The following MYO5B variants were observed in gnomAD, a reference collection of about 807,000 sequenced individuals.
The protein encoded by MYO5B is unconventional myosin-Vb.
MYO5B carries 143 observed loss-of-function variants against 229.3 expected under a neutral mutation model. The observed-to-expected ratio is 0.62, with a 90% CI of 0.54 to 0.72. The LOEUF is 0.72. Among genes scored for constraint, MYO5B ranks in the 30% least tolerant of loss-of-function variants. The probability of loss-of-function intolerance (pLI) is 0.00; values close to 1 mark genes in which losing one functional copy is unlikely to be tolerated. For synonymous variants in MYO5B, 918 were observed against 885.2 expected (o/e 1.04, Z -0.66); for missense variants, 2,321 against 2,331.0 (o/e 1.00, Z 0.09).
chr18:49,980,110 T>C (rs2025798164), intron 9 of MYO5B, among the ~76,000 whole-genome samples: 1 of 152,278 alleles, frequency 6.6e-6, no homozygotes, highest in East Asian at 1.9e-4. Context: ...TTCATCTCCT[T>C]GCAGTGGGGA....
chr18:50,115,228 A>G (rs1209337082), intron 1 of MYO5B, among the ~76,000 whole-genome samples: 1 of 152,212 alleles, frequency 6.6e-6, no homozygotes, highest in Non-Finnish European at 1.5e-5. Flanking sequence ...ATACTCTCCA[A>G]CAGCATCCCA....
chr18:50,016,947 C>T (rs1300553173), intron 4 of MYO5B, among the ~76,000 whole-genome samples: 1 of 151,746 alleles, frequency 6.6e-6, no homozygotes, highest in Admixed American at 6.6e-5. Context: ...ACCCTACCCC[C>T]TTCACCCCAT....
At chr18:50,120,622 C>A (rs1034543395) in intron 1 of MYO5B, among the ~76,000 whole-genome samples, 1 of 152,194 alleles carries the variant, frequency 6.6e-6, no homozygotes, top group Non-Finnish European at 1.5e-5. Flanking sequence ...AGGGTCCCAG[C>A]CTGGCCCTTC....
intron 14 of MYO5B, among the ~76,000 whole-genome samples, chr18:49,944,794 T>C (rs984215935): frequency 2.0e-5 from 3 of 152,036 alleles, no homozygotes; most frequent in Non-Finnish European, 4.4e-5. Flanking sequence ...TCAGCCTGTC[T>C]CTCTTCTCAC....
chr18:50,001,227 G>T (rs1295937777), intron 5 of MYO5B, 28 bp downstream of exon 5: 1 of 1,614,028 alleles, frequency 6.2e-7, no homozygotes, highest in East Asian at 2.2e-5. Context: ...CTCCAGCCAG[G>T]AAGGCCAGGA....
intron 1 of MYO5B, among the ~76,000 whole-genome samples, chr18:50,162,774 A>G (rs1450536296): frequency 6.6e-6 from 1 of 152,246 alleles, no homozygotes; most frequent in African/African-American, 2.4e-5. Context: ...AGGCAGCACC[A>G]TCTGCAACCC....
chr18:50,119,732 G>A (rs754956136), intron 1 of MYO5B, among the ~76,000 whole-genome samples: 9 of 152,096 alleles, frequency 5.9e-5, no homozygotes, highest in African/African-American at 9.7e-5. Flanking sequence ...TGTTCATCGC[G>A]CCACTTATCA....
intron 4 of MYO5B, among the ~76,000 whole-genome samples, chr18:50,031,983 G>A (rs549399031): frequency 2.8e-4 from 43 of 152,256 alleles, no homozygotes; most frequent in Admixed American, 7.8e-4. Flanking sequence ...GTTAACCCAC[G>A]GTTTCCCAAA....
chr18:49,968,483 T>C (rs1455618120), intron 10 of MYO5B, among the ~76,000 whole-genome samples: 1 of 152,260 alleles, frequency 6.6e-6, no homozygotes, highest in Non-Finnish European at 1.5e-5. Context: ...GACTTTCCTC[T>C]GGAGCCTCAG....
rs548891864 is a variant in MYO5B, at chr18:49,888,857, C to G, written c.3045+6084G>C. Among the ~76,000 whole-genome samples the G allele has an allele frequency of 1.1e-3, 165 of 152,342 alleles. 5 individuals carry two copies. The highest frequency in any genetic ancestry group is 0.011 in the Admixed American group (162 of 15,306). On this transcript the variant is annotated intron_variant, in intron 22 of 39. Transcript: ENST00000285039. The stretch of plus-strand genomic sequence containing the variant: ...TCCTGGGAAACATTCCTGTACCACA[C>G]GGGGTGGTGGGGTTGCCCCCACGCT...
At chr18:49,870,729 C>T (rs1353788255) in intron 27 of MYO5B, among the ~76,000 whole-genome samples, 1 of 151,998 alleles carries the variant, frequency 6.6e-6, no homozygotes, top group Non-Finnish European at 1.5e-5. Context: ...TGAGATATCA[C>T]CTTACACCTA....
intron 4 of MYO5B, among the ~76,000 whole-genome samples, chr18:50,015,344 GT>G (rs1173233063): frequency 6.6e-6 from 1 of 152,182 alleles, no homozygotes; most frequent in African/African-American, 2.4e-5. Context: ...CTTTGGCTGG[GT>G]AATGTAATTA....
chr18:49,847,502 C>T (rs577277169), intron 32 of MYO5B, among the ~76,000 whole-genome samples: 27 of 152,286 alleles, frequency 1.8e-4, no homozygotes, highest in African/African-American at 6.5e-4. Context: ...AGCCACACCC[C>T]AAGTGTGAGG....
intron 39 of MYO5B, among the ~76,000 whole-genome samples, chr18:49,830,990 C>T (rs186036384): frequency 2.8e-4 from 42 of 151,588 alleles, no homozygotes; most frequent in Non-Finnish European, 5.7e-4. Context: ...AAAAAAAACC[C>T]TCATATTTTT....
chr18:50,191,375 T>C (rs1230438643), intron 1 of MYO5B, among the ~76,000 whole-genome samples: 1 of 152,172 alleles, frequency 6.6e-6, no homozygotes, highest in Non-Finnish European at 1.5e-5. Context: ...TTGGGATTAA[T>C]TATGCCAACC....
chr18:50,066,157 A>G (rs536904766), intron 1 of MYO5B, among the ~76,000 whole-genome samples: 1 of 152,356 alleles, frequency 6.6e-6, no homozygotes, highest in African/African-American at 2.4e-5. Flanking sequence ...TCAGATTTAC[A>G]GATGGAGTGT....
rs979485657 is a variant in MYO5B at position 50,169,858 on chromosome 18, G to A, written c.27+24909C>T. ...TGCTTTCCACCTAGAATACAGATGT[G>A]AGGATCAAGTCCCATGATGAGCAAG... On this transcript the variant is annotated intron_variant, in intron 1 of 39. Coordinates refer to ENST00000285039, the MANE Select transcript of MYO5B (RefSeq NM_001080467.3). Among the ~76,000 whole-genome samples the A allele has an allele frequency of 4.7e-5, 6 of 126,702 alleles. 2 individuals are homozygous for A. The highest frequency in any genetic ancestry group is 1.0e-4 in the Non-Finnish European group (6 of 59,588). 83.1% of individuals were successfully genotyped at this position (126,702 alleles called of 152,430 possible).
chr18:49,903,691 C>T (rs1290134916), intron 20 of MYO5B, among the ~76,000 whole-genome samples: 2 of 152,192 alleles, frequency 1.3e-5, no homozygotes, highest in African/African-American at 2.4e-5. Flanking sequence ...ATAGAAGAGA[C>T]AGATGTTCAT....
chr18:50,110,173 C>CAA (rs2069811897), intron 1 of MYO5B, among the ~76,000 whole-genome samples: 1 of 152,180 alleles, frequency 6.6e-6, no homozygotes, highest in African/African-American at 2.4e-5. Flanking sequence ...TCAAATGCTT[C>CAA]AAGTGTTTGG....
Sources: allele counts gnomAD v4.1 joint callset (sites outside exome capture counted in the v4.1 genomes callset), GRCh38; gene constraint gnomAD v4.1.1; transcripts MANE v1.5; gene names NCBI Gene and HGNC (gene_info 2026-07-23, HGNC 2026-07-21).